Variants in GALNT2 observed in about 807,000 individuals in gnomAD.
The protein encoded by GALNT2 is UDP-GalNAc:polypeptide N-acetylgalactosaminyltransferase 2.
Under a neutral mutation model 81.4 loss-of-function variants are expected in GALNT2, and 31 were observed. The observed-to-expected ratio is 0.38, with a 90% CI of 0.29 to 0.51. The LOEUF is 0.51. Among genes scored for constraint, GALNT2 ranks in the 20% least tolerant of loss-of-function variants. GALNT2 has a pLI of 0.87. For missense variants in GALNT2, 629 were observed against 765.7 expected, an observed-to-expected ratio of 0.82 and a Z score of 2.11; for synonymous variants, 303 against 287.4, an observed-to-expected ratio of 1.05 and a Z score of -0.55.
At chr1:230,162,208 A>AGTC (rs1264291557) in intron 1 of GALNT2, among the ~76,000 whole-genome samples, 1 of 152,108 alleles carries the variant, frequency 6.6e-6, no homozygotes, top group African/African-American at 2.4e-5. Flanking sequence ...CCTTCCTTTA[A>AGTC]GTCTCCCAGC....
At chr1:230,077,685 G>C (rs1659605419) in intron 1 of GALNT2, among the ~76,000 whole-genome samples, 2 of 152,124 alleles carry the variant, frequency 1.3e-5, no homozygotes, top group African/African-American at 4.8e-5. Flanking sequence ...AGATGTTAGT[G>C]CCTATTTTCT....
chr1:230,067,574 C>T (rs923299440), intron 1 of GALNT2, among the ~76,000 whole-genome samples, 168 bp downstream of exon 1: 3 of 151,798 alleles, frequency 2.0e-5, no homozygotes, highest in African/African-American at 7.3e-5. Context: ...CAGGGGTGCA[C>T]CCGGCCCCTC....
intron 3 of GALNT2, among the ~76,000 whole-genome samples, chr1:230,228,321 G>C (rs956483627): frequency 6.6e-6 from 1 of 152,016 alleles, no homozygotes; most frequent in African/African-American, 2.4e-5. Context: ...AAAAGCAAAT[G>C]GTCACAAATA....
At chr1:230,128,219 C>G (rs1262090564) in intron 1 of GALNT2, among the ~76,000 whole-genome samples, 2 of 151,552 alleles carry the variant, frequency 1.3e-5, no homozygotes, top group East Asian at 3.9e-4. Context: ...ATCGCACTCA[C>G]CATGTGCAGG....
intron 1 of GALNT2, among the ~76,000 whole-genome samples, chr1:230,163,572 A>C (rs1436286516): frequency 1.3e-5 from 2 of 152,172 alleles, no homozygotes; most frequent in Non-Finnish European, 2.9e-5. Flanking sequence ...CCTCCACATC[A>C]CAGTGGATAG....
intron 3 of GALNT2, among the ~76,000 whole-genome samples, chr1:230,231,528 T>C (rs1256500754): frequency 1.3e-5 from 2 of 152,206 alleles, no homozygotes; most frequent in East Asian, 3.8e-4. Flanking sequence ...GAGCTTGCGT[T>C]TGGTTATTTC....
In GALNT2 at chr1:230,154,217, T is replaced by C. The variant is rs1226990146; in HGVS notation, c.127-24001T>C. On this transcript the variant is annotated intron_variant, in intron 1 of 15. Transcript: ENST00000366672. ...TCAGAAGTCAAGCTGCCGTCCACCC[T>C]GCACTTGCAGTGGAGACATAGGCCC... is the stretch of plus-strand genomic sequence containing the variant. Among the ~76,000 whole-genome samples the C allele has an allele frequency of 5.3e-5, 8 of 152,254 alleles. No individual in the cohort carries two copies. The East Asian group carries it at 1.5e-3, about 29-fold the overall frequency.
At chr1:230,183,767 CAG>C (rs1338971542) in intron 2 of GALNT2, among the ~76,000 whole-genome samples, 1 of 152,128 alleles carries the variant, frequency 6.6e-6, no homozygotes, top group Non-Finnish European at 1.5e-5. Context: ...CACCTGAAGT[CAG>C]GAGTTCAAGA....
At chr1:230,074,926 T>C (rs974930931) in intron 1 of GALNT2, among the ~76,000 whole-genome samples, 31 of 152,084 alleles carry the variant, frequency 2.0e-4, no homozygotes, top group African/African-American at 6.8e-4. Flanking sequence ...CAGTGGGGTT[T>C]TTCTGCAACT....
intron 1 of GALNT2, among the ~76,000 whole-genome samples, chr1:230,145,882 C>G (rs1240113035): frequency 1.3e-5 from 2 of 152,206 alleles, no homozygotes; most frequent in African/African-American, 2.4e-5. Context: ...CCTGCCCAGC[C>G]CCTCTGGGAA....
chr1:230,074,080 A>G (rs1257020134), intron 1 of GALNT2, among the ~76,000 whole-genome samples: 1 of 137,772 alleles, frequency 7.3e-6, no homozygotes, highest in Non-Finnish European at 1.5e-5. Flanking sequence ...CTCTGGCACC[A>G]TTGACATTTT....
At chr1:230,240,663 G>T (rs1572125766) in intron 6 of GALNT2, among the ~76,000 whole-genome samples, 1 of 144,568 alleles carries the variant, frequency 6.9e-6, no homozygotes, top group South Asian at 2.2e-4. Context: ...CTCTATATCT[G>T]TTTTTTTTTT....
intron 1 of GALNT2, among the ~76,000 whole-genome samples, chr1:230,173,321 A>G (rs1662856344): frequency 6.6e-6 from 1 of 152,094 alleles, no homozygotes; most frequent in Non-Finnish European, 1.5e-5. Context: ...CATGTTTCTC[A>G]TTTGGTTGGC....
chr1:230,226,338 C>T (rs1664709614), intron 3 of GALNT2, among the ~76,000 whole-genome samples: 1 of 152,212 alleles, frequency 6.6e-6, no homozygotes, highest in Admixed American at 6.5e-5. Flanking sequence ...GTGTCCAGAG[C>T]CTTGATTCCA....
At chr1:230,274,342 C>G in intron 14 of GALNT2, 103 bp from the exon 15 acceptor site, 1 of 1,459,014 alleles carries the variant, frequency 6.9e-7, no homozygotes, top group East Asian at 2.3e-5. Flanking sequence ...AATCTAAGCT[C>G]CACCCCGTGA....
chr1:230,149,381 G>C (rs1055083466), intron 1 of GALNT2, among the ~76,000 whole-genome samples: 1 of 152,132 alleles, frequency 6.6e-6, no homozygotes, highest in Non-Finnish European at 1.5e-5. Flanking sequence ...CTGCCTGCTT[G>C]CTGTTTTATA....
At position 230,279,422 on chromosome 1, in the gene GALNT2, G is replaced by T. The variant is rs748324953; in HGVS notation, c.1680G>T (p.Ser560=). ...LSVEVCGPAL[S]QQWKFTLNLQ... Reference sequence around the variant, plus strand: ...TGGAGGTGTGTGGCCCGGCCCTTTCGCAGCAGTGGAAGTTCACGCTCAACC... The same window carrying T: ...TGGAGGTGTGTGGCCCGGCCCTTTCTCAGCAGTGGAAGTTCACGCTCAACC... Residue 560 remains serine, a synonymous_variant, in exon 16 of 16, where the codon TCG becomes TCT. Transcript: ENST00000366672. The surrounding 1 kb of genome is among the most constrained non-coding windows in gnomAD (Gnocchi z 4.6). The T allele has an allele frequency of 9.9e-6, 16 of 1,614,090 alleles. No homozygotes were observed. Among genetic ancestry groups the T allele is most frequent in the Non-Finnish European group, 1.3e-5 (15 of 1,180,006 alleles).
chr1:230,266,865 C>T (rs989080092), intron 14 of GALNT2, among the ~76,000 whole-genome samples: 2 of 152,140 alleles, frequency 1.3e-5, no homozygotes, highest in Non-Finnish European at 2.9e-5. Flanking sequence ...CTGGATTCTC[C>T]GTATCAGCGT....
At chr1:230,265,196 G>T (rs368155423) in intron 13 of GALNT2, 45 bp from the exon 14 acceptor site, 2 of 1,612,526 alleles carry the variant, frequency 1.2e-6, no homozygotes, top group Non-Finnish European at 1.7e-6. Flanking sequence ...ACGGGAGCTG[G>T]TGGTCATGTG....
Sources: allele counts gnomAD v4.1 joint callset (sites outside exome capture counted in the v4.1 genomes callset), GRCh38; gene constraint gnomAD v4.1.1; non-coding constraint Gnocchi (gnomAD v3.1); transcripts MANE v1.5; gene names NCBI Gene and HGNC (gene_info 2026-07-23, HGNC 2026-07-21).